FAM240A: variants seen among roughly 807,000 people sequenced by gnomAD.
The protein encoded by FAM240A is protein FAM240A.
A neutral mutation model predicts 7.3 loss-of-function variants in FAM240A; 8 were observed. The observed-to-expected ratio is 1.09, with a 90% CI of 0.64 to 1.97. The LOEUF (loss-of-function observed/expected upper bound fraction) is 1.97, where lower values mean the gene tolerates loss of function less well. Among genes scored for constraint, FAM240A ranks in the 30% most tolerant of loss-of-function variants. FAM240A has a pLI of 0.00. For missense variants in FAM240A, 90 were observed against 102.2 expected (o/e 0.88, Z 0.52); for synonymous variants, 32 against 35.9 (o/e 0.89, Z 0.38).
rs1001326268 is a variant in FAM240A at position 46,617,245 on chromosome 3, G to A, written c.78G>A (p.Lys26=). Residue 26 remains lysine, a synonymous_variant, in exon 2 of 3, where the codon AAG becomes AAA. Transcript: ENST00000640551. ...VFCRNTCHDL[K]HFWEREIGKQ... is the part of the protein sequence containing the mutation. The stretch of plus-strand genomic sequence containing the variant: ...GCCGGAACACCTGCCATGATCTCAA[G>A]CATTTCTGGGAAAGGGAAATTGGCA... The A allele has an allele frequency of 2.3e-5, 35 of 1,535,538 alleles. No homozygotes were observed. The highest frequency in any genetic ancestry group is 2.9e-5 in the Non-Finnish European group (33 of 1,146,692).
chr3:46,623,905 G>A (rs773374661), intron 2 of FAM240A, among the ~76,000 whole-genome samples: 6 of 152,102 alleles, frequency 3.9e-5, no homozygotes, highest in Non-Finnish European at 7.4e-5. Flanking sequence ...ATCTACCATC[G>A]TGCTATGTGT....
chr3:46,622,173 T>C (rs1341456648), intron 2 of FAM240A, among the ~76,000 whole-genome samples: 11 of 148,774 alleles, frequency 7.4e-5, no homozygotes, highest in African/African-American at 2.7e-4. Context: ...TGGCTCGATC[T>C]TGGCCCACTG....
Position 46,615,890 on chromosome 3 carries a change from G to T in FAM240A, c.16-1293G>T, listed in dbSNP as rs1019503674. On this transcript the variant is annotated intron_variant, in intron 1 of 2. Coordinates refer to ENST00000640551, the MANE Select transcript of FAM240A (RefSeq NM_001195442.2). ...CACACCTCAAAGCAGCTTGCTCTGGGGTGTCAGGCACTGGAACCATTTTCT... is the reference window on the plus strand; with the variant it reads ...CACACCTCAAAGCAGCTTGCTCTGGTGTGTCAGGCACTGGAACCATTTTCT... Among the ~76,000 whole-genome samples, 10 of 152,002 alleles carry T rather than the reference G, an allele frequency of 6.6e-5. No homozygotes were observed. In the South Asian group the frequency reaches 2.1e-3, roughly 32 times the overall value.
chr3:46,622,491 T>C (rs1697709946), intron 2 of FAM240A, among the ~76,000 whole-genome samples: 1 of 152,196 alleles, frequency 6.6e-6, no homozygotes, highest in African/African-American at 2.4e-5. Context: ...GTCTTCTGTT[T>C]TATTTCTAGA....
In FAM240A at chr3:46,626,161, C is replaced by G. The variant is rs997416766; in HGVS notation, c.*943C>G. 1.2e-4 allele frequency: 1 copy of G among 8,024 alleles called. No individual in the cohort carries two copies. Among genetic ancestry groups the G allele is most frequent in the African/African-American group, 2.0e-4 (1 of 5,086 alleles). 0.5% of individuals were successfully genotyped at this position (8,024 alleles called of 1,614,324 possible). A position where few individuals can be genotyped will look rare whatever the true frequency, so the allele number is the denominator to read the frequency against. ...CACCTGCAAGGCCTTATATACTATA[C>G]ACAGAGGCACTGTATGGCAGACGCA... On this transcript the variant is annotated 3_prime_UTR_variant, in exon 3 of 3. Transcript: ENST00000640551.
chr3:46,618,556 T>C (rs1697655581), intron 2 of FAM240A, among the ~76,000 whole-genome samples: 1 of 152,026 alleles, frequency 6.6e-6, no homozygotes. Context: ...AATATATACA[T>C]GCGGCCGGGT....
intron 1 of FAM240A, among the ~76,000 whole-genome samples, chr3:46,614,396 A>G (rs779141523): frequency 4.6e-5 from 7 of 152,252 alleles, no homozygotes; most frequent in Admixed American, 6.5e-5. Flanking sequence ...TAGTTTGTTT[A>G]AAAGTGAAAT....
chr3:46,618,559 G>A lies in FAM240A; in HGVS notation c.161+1231G>A, dbSNP rs117808692. 1.5e-3 allele frequency among the ~76,000 whole-genome samples: 223 copies of A among 152,180 alleles called. 3 individuals are homozygous for A. The East Asian group carries it at 0.034, about 23-fold the overall frequency. ...TAAAACATTAAAAATATATACATGC[G>A]GCCGGGTGCGGTGACTCACGCCTGT... On this transcript the variant is annotated intron_variant, in intron 2 of 2. Transcript: ENST00000640551.
chr3:46,612,758 A>C, intron 1 of FAM240A, 60 bp downstream of exon 1: 1 of 1,378,474 alleles, frequency 7.3e-7, no homozygotes, highest in Non-Finnish European at 1.0e-6. Flanking sequence ...TATGGAGGTT[A>C]TGGTTTGTCC....
intron 2 of FAM240A, among the ~76,000 whole-genome samples, chr3:46,619,903 C>T (rs1697675925): frequency 6.6e-6 from 1 of 152,146 alleles, no homozygotes; most frequent in African/African-American, 2.4e-5. Context: ...TTATATATTG[C>T]TCGTGTATTC....
At chr3:46,615,522 C>T (rs1367131867) in intron 1 of FAM240A, among the ~76,000 whole-genome samples, 1 of 152,160 alleles carries the variant, frequency 6.6e-6, no homozygotes, top group Non-Finnish European at 1.5e-5. Flanking sequence ...CCCCTGCATC[C>T]GCTCTCACCT....
rs368333012 is a variant in FAM240A at position 46,620,452 on chromosome 3, A to G, written c.161+3124A>G. ...ATCAAAAAAGGTGATCTATAACCAG[A>G]CAGATTTGATGGCCGTCCATTATAT... is the stretch of plus-strand genomic sequence containing the variant. On this transcript the variant is annotated intron_variant, in intron 2 of 2. Transcript: ENST00000640551. Among the ~76,000 whole-genome samples the G allele has an allele frequency of 2.9e-4, 44 of 150,866 alleles. No individual in the cohort carries two copies. The South Asian group carries it at 8.5e-3, about 29-fold the overall frequency.
intron 1 of FAM240A, among the ~76,000 whole-genome samples, chr3:46,616,885 T>C (rs1261752358): frequency 2.0e-5 from 3 of 152,226 alleles, no homozygotes; most frequent in Admixed American, 2.0e-4. Context: ...GTAGTCAGAA[T>C]TGCTGGATCA....
At chr3:46,621,253 T>C (rs1290840782) in intron 2 of FAM240A, among the ~76,000 whole-genome samples, 1 of 152,106 alleles carries the variant, frequency 6.6e-6, no homozygotes, top group African/African-American at 2.4e-5. Context: ...CACAGTGAGG[T>C]GAACCTTTTT....
At chr3:46,623,374 C>T (rs1697718890) in intron 2 of FAM240A, among the ~76,000 whole-genome samples, 1 of 151,980 alleles carries the variant, frequency 6.6e-6, no homozygotes, top group Non-Finnish European at 1.5e-5. Context: ...GTGTGTTCTG[C>T]CGTTGTTAGG....
intron 2 of FAM240A, among the ~76,000 whole-genome samples, chr3:46,618,052 G>T (rs1428839776): frequency 1.3e-5 from 2 of 152,162 alleles, no homozygotes; most frequent in Non-Finnish European, 2.9e-5. Flanking sequence ...GAACAGCTCA[G>T]CCAGCTGTCT....
At position 46,619,601 on chromosome 3, in the gene FAM240A, C is replaced by T. The variant is rs1350608125; in HGVS notation, c.161+2273C>T. ...TACAGGATCTGAGCGTTTCTTTCTG[C>T]AGTCTTCTGGGGGTCCCAGCTTCAG... On this transcript the variant is annotated intron_variant, in intron 2 of 2. Transcript: ENST00000640551. 2.6e-5 allele frequency among the ~76,000 whole-genome samples: 4 copies of T among 152,322 alleles called. 1 individual carries two copies. The highest frequency in any genetic ancestry group is 2.1e-4 in the South Asian group (1 of 4,826).
Position 46,617,358 on chromosome 3 carries a change from A to G in FAM240A, c.161+30A>G, listed in dbSNP as rs763026500. On this transcript the variant is annotated intron_variant, in intron 2 of 2. Coordinates refer to ENST00000640551, the MANE Select transcript of FAM240A (RefSeq NM_001195442.2). ...GTGGCTTGTTTGTCTACTTTTTAGA[A>G]TTAATTAATTTTTAAAATACATCGT... The G allele has an allele frequency of 9.4e-6, 14 of 1,486,740 alleles. No individual in the cohort carries two copies. The South Asian group carries it at 1.7e-4, about 18-fold the overall frequency. The allele number at this position is 1,486,740 out of a possible 1,614,324, so 92.1% of individuals were successfully genotyped here. A position where few individuals can be genotyped will look rare whatever the true frequency, so the allele number is the denominator to read the frequency against.
intron 1 of FAM240A, among the ~76,000 whole-genome samples, chr3:46,616,185 T>C (rs374135073): frequency 6.3e-4 from 96 of 152,368 alleles, no homozygotes; most frequent in African/African-American, 2.1e-3. Flanking sequence ...CACTGTGTCC[T>C]GACAACCAGC....
Sources: gnomAD v4.1 joint callset for allele counts (sites outside exome capture counted in the v4.1 genomes callset) on GRCh38, gnomAD v4.1.1 for gene constraint, MANE v1.5 for transcripts, NCBI Gene and HGNC (gene_info 2026-07-23, HGNC 2026-07-21) for gene names.